The following ELAVL2 variants were observed in gnomAD, a reference collection of about 807,000 sequenced individuals.
ELAVL2 encodes the protein ELAV like RNA binding protein 2.
ELAVL2 carries 4 observed loss-of-function variants against 34.6 expected under a neutral mutation model. That is an observed-to-expected ratio of 0.12 (90% CI 0.06 to 0.26). ELAVL2 has a LOEUF of 0.26. Ranked by LOEUF, ELAVL2 falls within the 10% of genes least tolerant of loss-of-function variation. The pLI, the probability that ELAVL2 is intolerant of heterozygous loss-of-function variation, is 1.00. For synonymous variants in ELAVL2, 193 were observed against 154.8 expected (o/e 1.25, Z -1.83); for missense variants, 432 against 442.8 (o/e 0.98, Z 0.22).
chr9:23,777,175 G>A (rs991105893), intron 1 of ELAVL2, among the ~76,000 whole-genome samples: 9 of 152,192 alleles, frequency 5.9e-5, no homozygotes, highest in African/African-American at 2.2e-4. Flanking sequence ...ATAGTCTACA[G>A]CAGTTAGGAC....
At chr9:23,757,134 A>C (rs2053752221) in intron 2 of ELAVL2, among the ~76,000 whole-genome samples, 1 of 152,122 alleles carries the variant, frequency 6.6e-6, no homozygotes, top group Admixed American at 6.6e-5. Flanking sequence ...CATAGATTAT[A>C]ATGTTTCTAG....
chr9:23,834,973 G>T, the ELAVL2 span, among the ~76,000 whole-genome samples: 1 of 151,954 alleles, frequency 6.6e-6, no homozygotes, highest in Admixed American at 6.6e-5. Flanking sequence ...AACCCCAGGA[G>T]GTATAGAAGG....
intron 2 of ELAVL2, among the ~76,000 whole-genome samples, chr9:23,758,316 C>G (rs919857682): frequency 2.0e-4 from 30 of 152,054 alleles, no homozygotes; most frequent in African/African-American, 6.8e-4. Context: ...AGTACAACCA[C>G]TCAGAACCCA....
In ELAVL2 at chr9:23,714,965, G is replaced by A. The variant is rs536752148; in HGVS notation, c.334-9894C>T. Reference sequence around the variant, plus strand: ...CAGTATTTTGAGCCTTCTTAAATACGGCCAGAGAACTAGACTGCCTCAAAG... The same window carrying A: ...CAGTATTTTGAGCCTTCTTAAATACAGCCAGAGAACTAGACTGCCTCAAAG... On this transcript the variant is annotated intron_variant, in intron 3 of 6. Coordinates refer to ENST00000397312, the MANE Select transcript of ELAVL2 (RefSeq NM_004432.5). Among the ~76,000 whole-genome samples the A allele has an allele frequency of 1.7e-4, 26 of 152,102 alleles. No homozygotes were observed. In the South Asian group the frequency reaches 2.1e-3, roughly 12 times the overall value.
At chr9:23,733,383 T>C (rs927780452) in intron 2 of ELAVL2, among the ~76,000 whole-genome samples, 3 of 152,208 alleles carry the variant, frequency 2.0e-5, no homozygotes, top group Admixed American at 1.3e-4. Context: ...CAGTCTGTCA[T>C]GAAGCATTGG....
In ELAVL2 at chr9:23,691,524, C is replaced by T. The variant is rs1828728248; in HGVS notation, c.*1033G>A. On this transcript the variant is annotated 3_prime_UTR_variant, in exon 7 of 7. Transcript: ENST00000397312. ...TCTTTAGGAAGAACAGATTTTTTCC[C>T]CCATCTCTCGGTAATTTAAATTTCT... 6.6e-6 allele frequency: 1 copy of T among 152,332 alleles called. No homozygotes were observed. Among genetic ancestry groups the T allele is most frequent in the Non-Finnish European group, 1.5e-5 (1 of 67,946 alleles). 9.4% of individuals were successfully genotyped at this position (152,332 alleles called of 1,614,324 possible).
In ELAVL2 at chr9:23,691,192, A is replaced by G. The variant is rs2033055818; in HGVS notation, c.*1365T>C. 1 of 152,568 alleles carries G rather than the reference A, an allele frequency of 6.6e-6. No homozygotes were observed. The highest frequency in any genetic ancestry group is 6.5e-5 in the Admixed American group (1 of 15,280). 9.5% of individuals were successfully genotyped at this position (152,568 alleles called of 1,614,324 possible). A position where few individuals can be genotyped will look rare whatever the true frequency, so the allele number is the denominator to read the frequency against. On this transcript the variant is annotated 3_prime_UTR_variant, in exon 7 of 7. Transcript: ENST00000397312. ...GACCTCAAGTAACAATGTTAATGCC[A>G]TTTACAAAGGAAAAAACTGATACAA...
At chr9:23,765,440 G>T (rs933482333) in intron 1 of ELAVL2, among the ~76,000 whole-genome samples, 1 of 152,150 alleles carries the variant, frequency 6.6e-6, no homozygotes, top group African/African-American at 2.4e-5. Context: ...TATCTCTTAA[G>T]GATGTGGGAG....
intron 3 of ELAVL2, among the ~76,000 whole-genome samples, chr9:23,708,211 TA>T (rs2039934977): frequency 6.6e-6 from 1 of 152,206 alleles, no homozygotes; most frequent in African/African-American, 2.4e-5. Flanking sequence ...GATTAGATTA[TA>T]TATAAACTTA....
chr9:23,747,426 G>A (rs946309391), intron 2 of ELAVL2, among the ~76,000 whole-genome samples: 1 of 152,096 alleles, frequency 6.6e-6, no homozygotes, highest in Non-Finnish European at 1.5e-5. Flanking sequence ...GGAGGACTAC[G>A]GTATTTCATG....
chr9:23,735,153 T>TTTAAATGCC (rs2047568056), intron 2 of ELAVL2: 1 of 98,586 alleles, frequency 1.0e-5, no homozygotes, highest in South Asian at 3.2e-4. Context: ...AAATCCTGTC[T>TTTAAATGCC]TTAAATGCCA....
intron 2 of ELAVL2, among the ~76,000 whole-genome samples, chr9:23,753,703 G>A (rs750930456): frequency 1.5e-4 from 22 of 151,712 alleles, no homozygotes; most frequent in Non-Finnish European, 2.5e-4. Context: ...TCATTCCTAC[G>A]ACAAGCGCTT....
the ELAVL2 span, among the ~76,000 whole-genome samples, chr9:23,833,760 C>G: frequency 4.0e-5 from 6 of 151,838 alleles, no homozygotes; most frequent in Non-Finnish European, 8.9e-5. Context: ...ATTAATCCCC[C>G]TCTGTGAGAA....
chr9:23,780,322 T>C (rs1214803648), intron 1 of ELAVL2, among the ~76,000 whole-genome samples: 1 of 152,164 alleles, frequency 6.6e-6, no homozygotes, highest in Admixed American at 6.6e-5. Flanking sequence ...AGCTCTCACA[T>C]TTATTCAAAT....
chr9:23,779,291 G>A (rs1236602740), intron 1 of ELAVL2: 3 of 985,392 alleles, frequency 3.0e-6, no homozygotes, highest in East Asian at 1.1e-4. Context: ...ATGAAAACCT[G>A]CTTCACACTG....
chr9:23,790,520 T>C (rs930142827), intron 1 of ELAVL2, among the ~76,000 whole-genome samples: 1 of 152,098 alleles, frequency 6.6e-6, no homozygotes, highest in Non-Finnish European at 1.5e-5. Flanking sequence ...GGAAGTGAAA[T>C]AGTATCCTTC....
At chr9:23,795,438 G>A (rs751929455) in intron 1 of ELAVL2, among the ~76,000 whole-genome samples, 1 of 152,118 alleles carries the variant, frequency 6.6e-6, no homozygotes, top group East Asian at 1.9e-4. Flanking sequence ...AGCTACTCGC[G>A]AGGCTGTGAC....
At chr9:23,798,557 T>C (rs2061232198) in intron 1 of ELAVL2, among the ~76,000 whole-genome samples, 1 of 152,234 alleles carries the variant, frequency 6.6e-6, no homozygotes. Context: ...CTTCAAATTA[T>C]GCTGACACAA....
intron 1 of ELAVL2, among the ~76,000 whole-genome samples, chr9:23,814,634 G>C (rs773664840): frequency 1.3e-5 from 2 of 152,154 alleles, no homozygotes; most frequent in Non-Finnish European, 2.9e-5. Context: ...GAGATCAAAA[G>C]TGGTGTTGAA....
Sources: gnomAD v4.1 joint callset for allele counts (sites outside exome capture counted in the v4.1 genomes callset) on GRCh38, gnomAD v4.1.1 for gene constraint, MANE v1.5 for transcripts, NCBI Gene and HGNC (gene_info 2026-07-23, HGNC 2026-07-21) for gene names.